Variants in BCR observed in about 807,000 individuals in gnomAD.
BCR encodes the protein BCR activator of RhoGEF and GTPase, also known as breakpoint cluster region protein.
In BCR, 58 loss-of-function variants were observed where a neutral mutation model predicts 138.6. The ratio of observed to expected loss-of-function variants is 0.42; its 90% confidence interval spans 0.34 to 0.52. BCR has a LOEUF of 0.52. Ranked by LOEUF, BCR falls within the 20% of genes least tolerant of loss-of-function variation. The pLI is 0.06. For missense variants in BCR, 1,599 were observed against 1,727.2 expected (o/e 0.93, Z 1.32); for synonymous variants, 786 against 730.1 (o/e 1.08, Z -1.23).
At chr22:23,311,605 C>T in intron 18 of BCR, 92 bp from the exon 19 acceptor site, 1 of 1,150,550 alleles carries the variant, frequency 8.7e-7, no homozygotes, top group South Asian at 1.4e-5. Context: ...CGTCCTCACC[C>T]CACCTCCGGG....
chr22:23,187,463 C>T (rs2072359148), intron 1 of BCR, among the ~76,000 whole-genome samples: 1 of 150,596 alleles, frequency 6.6e-6, no homozygotes, highest in South Asian at 2.1e-4. Flanking sequence ...TCAGTTGGGA[C>T]AGCAGACGTT....
chr22:23,244,542 A>C (rs1318491900), intron 1 of BCR, among the ~76,000 whole-genome samples: 11 of 151,926 alleles, frequency 7.2e-5, no homozygotes, highest in Non-Finnish European at 1.6e-4. Context: ...CTCCGGTGCC[A>C]CCTGCCTCTC....
intron 8 of BCR, among the ~76,000 whole-genome samples, chr22:23,282,485 A>G (rs149091206): frequency 1.3e-5 from 2 of 152,374 alleles, no homozygotes; most frequent in African/African-American, 4.8e-5. Context: ...TGATGGTGAC[A>G]TGAAGCCTCC....
chr22:23,181,633 G>C lies in BCR; in HGVS notation c.673G>C (p.Asp225His). The C allele has an allele frequency of 1.2e-6, 2 of 1,610,720 alleles. No individual in the cohort carries two copies. The highest frequency in any genetic ancestry group is 1.7e-6 in the Non-Finnish European group (2 of 1,179,964). The change falls in exon 1 of 23, where the codon GAT becomes CAT. Residue 225 changes from aspartate (D) to histidine (H), a missense_variant. Physicochemically the swap from Asp to His is moderately conservative, Grantham distance 81. Transcript: ENST00000305877. Reference protein sequence around the residue: ...SQHGAGSSVGDASRPPYRGRS... With the variant: ...SQHGAGSSVGHASRPPYRGRS... Reference sequence around the variant, plus strand: ...GCACGGCGCGGGCTCGAGCGTGGGGGATGCATCCAGGCCCCCTTACCGGGG... The same window carrying C: ...GCACGGCGCGGGCTCGAGCGTGGGGCATGCATCCAGGCCCCCTTACCGGGG...
At chr22:23,274,358 T>G (rs1326165467) in intron 8 of BCR, among the ~76,000 whole-genome samples, 4 of 152,204 alleles carry the variant, frequency 2.6e-5, no homozygotes, top group African/African-American at 4.8e-5. Flanking sequence ...GCATGGCCTG[T>G]GCCTGTGCCG....
chr22:23,194,271 G>A (rs1286969261), intron 1 of BCR, among the ~76,000 whole-genome samples: 1 of 152,172 alleles, frequency 6.6e-6, no homozygotes, highest in Admixed American at 6.5e-5. Context: ...TTGGAGACAT[G>A]GATTGTTACC....
chr22:23,191,078 G>A (rs939773542), intron 1 of BCR, among the ~76,000 whole-genome samples: 5 of 152,050 alleles, frequency 3.3e-5, no homozygotes, highest in South Asian at 4.2e-4. Context: ...TACTACAGGC[G>A]CGTGCCACCA....
At chr22:23,307,296 G>T (rs1170781962) in intron 16 of BCR, among the ~76,000 whole-genome samples, 1 of 152,026 alleles carries the variant, frequency 6.6e-6, no homozygotes, top group Non-Finnish European at 1.5e-5. Flanking sequence ...TAGAGACAGG[G>T]TCTCACTATA....
chr22:23,191,931 C>T (rs1312585086), intron 1 of BCR, among the ~76,000 whole-genome samples: 1 of 152,198 alleles, frequency 6.6e-6, no homozygotes, highest in African/African-American at 2.4e-5. Flanking sequence ...CCCTGGCTCA[C>T]CCTTAGAGAA....
chr22:23,227,595 G>T (rs573569274), intron 1 of BCR, among the ~76,000 whole-genome samples: 1 of 152,234 alleles, frequency 6.6e-6, no homozygotes, highest in Non-Finnish European at 1.5e-5. Context: ...GCTTTCAGCT[G>T]CATGGTGACA....
chr22:23,219,325 A>G (rs1036847099), intron 1 of BCR, among the ~76,000 whole-genome samples: 9 of 152,038 alleles, frequency 5.9e-5, no homozygotes, highest in Admixed American at 1.3e-4. Flanking sequence ...TCTGTTCCTT[A>G]TGTTAGACGA....
At chr22:23,314,506 C>T in intron 21 of BCR, 46 bp from the exon 22 acceptor site, 8 of 1,608,630 alleles carry the variant, frequency 5.0e-6, no homozygotes, top group Non-Finnish European at 5.9e-6. Context: ...TGCCTCTCTC[C>T]TGGGGGTGGC....
chr22:23,291,635 TTC>T (rs2073788544), intron 14 of BCR, among the ~76,000 whole-genome samples: 1 of 152,024 alleles, frequency 6.6e-6, no homozygotes, highest in Admixed American at 6.6e-5. Context: ...TTACCTTTCT[TTC>T]TATCTCTTCC....
intron 4 of BCR, chr22:23,263,983 G>A: frequency 2.2e-6 from 2 of 892,796 alleles, no homozygotes; most frequent in Non-Finnish European, 3.8e-6. Flanking sequence ...CACTTGGACA[G>A]AGACTTTCCC....
chr22:23,193,110 C>T (rs1240526010), intron 1 of BCR, among the ~76,000 whole-genome samples: 2 of 152,248 alleles, frequency 1.3e-5, no homozygotes, highest in Non-Finnish European at 2.9e-5. Flanking sequence ...ATTCACTTCA[C>T]TTTAAAGGCC....
intron 1 of BCR, among the ~76,000 whole-genome samples, chr22:23,236,128 G>C (rs1354219300): frequency 6.6e-6 from 1 of 152,206 alleles, no homozygotes; most frequent in Non-Finnish European, 1.5e-5. Flanking sequence ...ACCCAGCTCT[G>C]AGGTCCTCTG....
intron 1 of BCR, among the ~76,000 whole-genome samples, chr22:23,217,558 T>G (rs1440603690): frequency 1.3e-5 from 2 of 152,154 alleles, no homozygotes; most frequent in African/African-American, 4.8e-5. Flanking sequence ...CATACTTATG[T>G]AGGATTAGGG....
At chr22:23,192,936 A>G (rs561528618) in intron 1 of BCR, among the ~76,000 whole-genome samples, 5 of 152,172 alleles carry the variant, frequency 3.3e-5, no homozygotes, top group Admixed American at 6.5e-5. Flanking sequence ...GGAAGGAACC[A>G]TCTCCAGGCA....
intron 1 of BCR, among the ~76,000 whole-genome samples, chr22:23,208,333 G>A (rs1326054047): frequency 2.6e-5 from 4 of 152,124 alleles, no homozygotes; most frequent in Non-Finnish European, 5.9e-5. Context: ...GCGGGTTGAA[G>A]TTTGTGACCC....
Sources: allele counts gnomAD v4.1 joint callset (sites outside exome capture counted in the v4.1 genomes callset), GRCh38; gene constraint gnomAD v4.1.1; transcripts MANE v1.5; gene names NCBI Gene and HGNC (gene_info 2026-07-23, HGNC 2026-07-21).